FGG: variants seen among roughly 807,000 people sequenced by gnomAD.
FGG encodes the protein fibrinogen gamma chain.
Under a neutral mutation model 51.7 loss-of-function variants are expected in FGG, and 20 were observed. That is an observed-to-expected ratio of 0.39 (90% CI 0.27 to 0.56). The LOEUF is 0.56. Among genes scored for constraint, FGG ranks in the 20% least tolerant of loss-of-function variants. FGG has a pLI of 0.64. For synonymous variants in FGG, 184 were observed against 184.7 expected, an observed-to-expected ratio of 1.00 and a Z score of 0.03; for missense variants, 460 against 534.2, an observed-to-expected ratio of 0.86 and a Z score of 1.37.
At chr4:154,606,645 T>C in intron 8 of FGG, 60 bp downstream of exon 8, 1 of 1,518,822 alleles carries the variant, frequency 6.6e-7, no homozygotes, top group Non-Finnish European at 9.0e-7. Context: ...CTATTTATTA[T>C]TTTTTATGAA....
chr4:154,606,606 T>C (rs987952915), intron 8 of FGG, 99 bp downstream of exon 8: 41 of 1,323,184 alleles, frequency 3.1e-5, no homozygotes, highest in Non-Finnish European at 4.1e-5. Context: ...CCCTACTATC[T>C]TTATAAATTA....
intron 4 of FGG, chr4:154,611,156 T>C (rs907627067): frequency 6.6e-6 from 1 of 152,072 alleles, no homozygotes; most frequent in Non-Finnish European, 1.5e-5. Context: ...TCAAGCTGCT[T>C]TGAGAAAAAT....
intron 8 of FGG, 60 bp downstream of exon 8, chr4:154,606,644 AT>A (rs1731101654): frequency 6.6e-7 from 1 of 1,511,022 alleles, no homozygotes; most frequent in Admixed American, 1.7e-5. Flanking sequence ...TCTATTTATT[AT>A]TTTTTATGAA....
Position 154,606,925 on chromosome 4 carries a change from T to A in FGG, c.909A>T (p.Thr303=). ...VGPEADKYRL[T]YAYFAGGDAG... Reference sequence around the variant, plus strand: ...CATCCCCACCAGCGAAGTAGGCATATGTTAGGCGGTACTTGTCAGCTTCAG... The same window carrying A: ...CATCCCCACCAGCGAAGTAGGCATAAGTTAGGCGGTACTTGTCAGCTTCAG... The change falls in exon 8 of 9, where the codon ACA becomes ACT. Residue 303 remains threonine, a synonymous_variant. Transcript: ENST00000336098. The A allele has an allele frequency of 6.2e-7, 1 of 1,613,730 alleles. No homozygotes were observed. Among genetic ancestry groups the A allele is most frequent in the South Asian group, 1.1e-5 (1 of 91,024 alleles).
At chr4:154,611,665 A>G in intron 4 of FGG, 140 bp downstream of exon 4, 1 of 630,144 alleles carries the variant, frequency 1.6e-6, no homozygotes, top group Admixed American at 2.9e-5. Flanking sequence ...TATCTCTACT[A>G]TGCTCAACAT....
intron 8 of FGG, 93 bp downstream of exon 8, chr4:154,606,610 TAA>T: frequency 7.4e-7 from 1 of 1,345,634 alleles, no homozygotes; most frequent in Admixed American, 2.0e-5. Context: ...ACTATCTTTA[TAA>T]ATTATTCTTC....
At chr4:154,611,643 A>T in intron 4 of FGG, 162 bp downstream of exon 4, 2 of 580,020 alleles carry the variant, frequency 3.4e-6, no homozygotes, top group East Asian at 5.6e-5. Context: ...TTTATATTGC[A>T]CTAAAAACTT....
In FGG at chr4:154,606,701, A is replaced by G; in HGVS notation, c.1129+4T>C. The G allele has an allele frequency of 6.2e-7, 1 of 1,613,588 alleles. No individual in the cohort carries two copies. On this transcript the variant is annotated splice_donor_region_variant and intron_variant, in intron 8 of 8. Transcript: ENST00000336098. ...AACTTGGAATCTAAGAAAGGAAAACATACCTTGGTAATAAACTCCATTGAG... is the reference window on the plus strand; with the variant it reads ...AACTTGGAATCTAAGAAAGGAAAACGTACCTTGGTAATAAACTCCATTGAG...
At position 154,604,271 on chromosome 4, in the gene FGG, G is replaced by C; in HGVS notation, c.*563C>G. 7.8e-7 allele frequency: 1 copy of C among 1,289,486 alleles called. No homozygotes were observed. Among genetic ancestry groups the C allele is most frequent in the South Asian group, 1.6e-5 (1 of 60,830 alleles). The allele number at this position is 1,289,486 out of a possible 1,614,324, so 79.9% of individuals were successfully genotyped here. A position where few individuals can be genotyped will look rare whatever the true frequency, so the allele number is the denominator to read the frequency against. On this transcript the variant is annotated 3_prime_UTR_variant, in exon 9 of 9. Coordinates refer to ENST00000336098, the MANE Select transcript of FGG (RefSeq NM_021870.3). The stretch of plus-strand genomic sequence containing the variant: ...AGCTTTGCAAGTCCATTGTCCAATA[G>C]GAAAAATATTATATCTCTCTGTTCA...
chr4:154,610,281 G>A (rs1261236144), intron 4 of FGG, 84 bp from the exon 5 acceptor site: 3 of 1,086,246 alleles, frequency 2.8e-6, no homozygotes, highest in Admixed American at 2.0e-5. Context: ...ATTTTCTTTG[G>A]AAACTGCTAA....
intron 8 of FGG, among the ~76,000 whole-genome samples, chr4:154,605,468 T>C (rs1233076331): frequency 6.6e-6 from 1 of 152,116 alleles, no homozygotes; most frequent in Non-Finnish European, 1.5e-5. Context: ...ACAATTTTGT[T>C]GGTTGATTGA....
chr4:154,606,163 C>A (rs780034592), intron 8 of FGG, among the ~76,000 whole-genome samples: 3 of 152,106 alleles, frequency 2.0e-5, no homozygotes. Context: ...CCATTCCAAG[C>A]TTATAGCAAA....
At position 154,604,432 on chromosome 4, in the gene FGG, A is replaced by T; in HGVS notation, c.*402T>A. On this transcript the variant is annotated 3_prime_UTR_variant, in exon 9 of 9. Coordinates refer to ENST00000336098, the MANE Select transcript of FGG (RefSeq NM_021870.3). ...ATTTAAAAAGAAGAATTAAATAGGAATGATTTAGGGGTAATAAACAAGGAA... is the reference window on the plus strand; with the variant it reads ...ATTTAAAAAGAAGAATTAAATAGGATTGATTTAGGGGTAATAAACAAGGAA... 1 of 1,287,340 alleles carries T rather than the reference A, an allele frequency of 7.8e-7. No homozygotes were observed. Among genetic ancestry groups the T allele is most frequent in the Non-Finnish European group, 1.1e-6 (1 of 947,122 alleles). 79.7% of individuals were successfully genotyped at this position (1,287,340 alleles called of 1,614,324 possible).
intron 6 of FGG, among the ~76,000 whole-genome samples, chr4:154,609,317 G>A (rs901325855): frequency 5.3e-5 from 8 of 152,132 alleles, no homozygotes; most frequent in African/African-American, 1.9e-4. Flanking sequence ...GTGGTACTAT[G>A]ATTATGTGCC....
Position 154,606,933 on chromosome 4 carries a change from G to A in FGG, c.901C>T (p.Arg301Cys), listed in dbSNP as rs121913087. The change falls in exon 8 of 9, where the codon CGC becomes TGC. Residue 301 changes from arginine (R) to cysteine (C), a missense_variant. Physicochemically the swap from Arg to Cys is radical, Grantham distance 180. Transcript: ENST00000336098. ...FKVGPEADKY[R>C]LTYAYFAGGD... ...CCAGCGAAGTAGGCATATGTTAGGC[G>A]GTACTTGTCAGCTTCAGGTCCCACC... 2.5e-6 allele frequency: 4 copies of A among 1,613,288 alleles called. No homozygotes were observed. The highest frequency in any genetic ancestry group is 1.1e-5 in the South Asian group (1 of 90,960).
intron 6 of FGG, among the ~76,000 whole-genome samples, chr4:154,608,856 G>C (rs545128050): frequency 5.5e-4 from 84 of 152,248 alleles, no homozygotes; most frequent in African/African-American, 1.9e-3. Flanking sequence ...GATCATGAGA[G>C]AGAATATAAG....
rs1005046731 is a variant in FGG at position 154,604,913 on chromosome 4, A to G, written c.1283T>C (p.Leu428Pro). Reference sequence around the variant, plus strand: ...TGGTCTGACCTGTTTGGCTCCCCCCAGGTGGTGTTGCTGTCCTTCTCCAAT... The same window carrying G: ...TGGTCTGACCTGTTTGGCTCCCCCCGGGTGGTGTTGCTGTCCTTCTCCAAT... The part of the protein sequence containing the change: ...LTIGEGQQHH[L>P]GGAKQVRPEH... The change falls in exon 9 of 9, where the codon CTG becomes CCG. Residue 428 changes from leucine (L) to proline (P), a missense_variant. Transcript: ENST00000336098. 3 of 1,614,098 alleles carry G rather than the reference A, an allele frequency of 1.9e-6. No individual in the cohort carries two copies. The highest frequency in any genetic ancestry group is 1.7e-6 in the Non-Finnish European group (2 of 1,179,970).
In FGG at chr4:154,612,614, T is replaced by C. The variant is rs1444703527; in HGVS notation, c.-5A>G. Reference sequence around the variant, plus strand: ...GGGGTGCAAGGACCAACTCATGATGTCTGAGTGCCCGGAGCTCCGAGCCTT... The same window carrying C: ...GGGGTGCAAGGACCAACTCATGATGCCTGAGTGCCCGGAGCTCCGAGCCTT... On this transcript the variant is annotated 5_prime_UTR_variant, in exon 1 of 9. Transcript: ENST00000336098. 6.2e-7 allele frequency: 1 copy of C among 1,613,578 alleles called. No homozygotes were observed. The highest frequency in any genetic ancestry group is 1.1e-5 in the South Asian group (1 of 91,086).
Position 154,606,262 on chromosome 4 carries a change from C to T in FGG, c.1129+443G>A, listed in dbSNP as rs147628708. ...TCTCTCAAGCTTTCACAAACCCCTG[C>T]CCTTACCAGTGCTTGCCTTCTCTTT... On this transcript the variant is annotated intron_variant, in intron 8 of 8. Transcript: ENST00000336098. Among the ~76,000 whole-genome samples the T allele has an allele frequency of 5.2e-3, 785 of 152,264 alleles. 8 individuals carry two copies. The highest frequency in any genetic ancestry group is 0.017 in the African/African-American group (726 of 41,568).
Sources: gnomAD v4.1 joint callset for allele counts (sites outside exome capture counted in the v4.1 genomes callset) on GRCh38, gnomAD v4.1.1 for gene constraint, MANE v1.5 for transcripts, NCBI Gene and HGNC (gene_info 2026-07-23, HGNC 2026-07-21) for gene names.